The following WRN variants were observed in gnomAD, a reference collection of about 807,000 sequenced individuals.
WRN encodes bifunctional 3'-5' exonuclease/ATP-dependent helicase WRN.
WRN carries 149 observed loss-of-function variants against 180.7 expected under a neutral mutation model. That is an observed-to-expected ratio of 0.82 (90% CI 0.72 to 0.94). WRN has a LOEUF of 0.94. WRN is among the 40% of genes least tolerant of loss of function. The pLI is 0.00. For missense variants in WRN, 1,661 were observed against 1,700.1 expected (o/e 0.98, Z 0.40); for synonymous variants, 548 against 568.9 (o/e 0.96, Z 0.52).
chr8:31,078,314 A>G (rs997467704), intron 8 of WRN, among the ~76,000 whole-genome samples: 4 of 152,188 alleles, frequency 2.6e-5, no homozygotes, highest in Non-Finnish European at 5.9e-5. Flanking sequence ...GTAATACCTA[A>G]TGTATCTAGA....
chr8:31,055,671 GT>G (rs1351772687), intron 1 of WRN, among the ~76,000 whole-genome samples: 1 of 150,852 alleles, frequency 6.6e-6, no homozygotes, highest in Non-Finnish European at 1.5e-5. Context: ...ATAGACCTTT[GT>G]CAGCTGGATA....
In WRN at chr8:31,064,256, A is replaced by G. The variant is rs374160869; in HGVS notation, c.210-33A>G. Reference sequence around the variant, plus strand: ...TTATGCAGAAGTTTAAAATTTTAACATAAATTAATTTACACTATTTTTCTC... The same window carrying G: ...TTATGCAGAAGTTTAAAATTTTAACGTAAATTAATTTACACTATTTTTCTC... On this transcript the variant is annotated intron_variant, in intron 3 of 34. Transcript: ENST00000298139. 5.6e-4 allele frequency: 902 copies of G among 1,612,700 alleles called. 2 individuals are homozygous for G. Among genetic ancestry groups the G allele is most frequent in the Non-Finnish European group, 7.4e-4 (872 of 1,179,200 alleles).
At chr8:31,166,146 A>G (rs1803849906) in intron 33 of WRN, among the ~76,000 whole-genome samples, 1 of 152,158 alleles carries the variant, frequency 6.6e-6, no homozygotes, top group South Asian at 2.1e-4. Context: ...AAAACTAACA[A>G]TTTAAAGAAC....
chr8:31,168,532 G>T (rs548185297), intron 34 of WRN, among the ~76,000 whole-genome samples: 2 of 142,014 alleles, frequency 1.4e-5, no homozygotes, highest in South Asian at 2.3e-4. Flanking sequence ...GGGGTTGGGT[G>T]GGGAGAAATT....
chr8:31,066,969 T>TA, intron 5 of WRN, 64 bp from the exon 6 acceptor site: 1 of 1,582,600 alleles, frequency 6.3e-7, no homozygotes, highest in South Asian at 1.1e-5. Context: ...GTTCATTTGA[T>TA]ATCATTTGGT....
At chr8:31,079,078 G>A (rs911303332) in intron 8 of WRN, among the ~76,000 whole-genome samples, 8 of 152,114 alleles carry the variant, frequency 5.3e-5, no homozygotes, top group African/African-American at 1.9e-4. Flanking sequence ...AAAGCTAAAA[G>A]TTCTTTATAA....
intron 1 of WRN, among the ~76,000 whole-genome samples, chr8:31,037,030 C>T (rs1250817262): frequency 3.3e-5 from 5 of 152,132 alleles, no homozygotes; most frequent in African/African-American, 4.8e-5. Context: ...ATATTTCAAG[C>T]GCATTACATT....
intron 24 of WRN, among the ~76,000 whole-genome samples, chr8:31,133,495 A>G (rs1802265310): frequency 6.6e-6 from 1 of 152,104 alleles, no homozygotes; most frequent in East Asian, 1.9e-4. Context: ...ACTGCACTCC[A>G]GCCTGCGCGA....
intron 1 of WRN, among the ~76,000 whole-genome samples, chr8:31,044,045 T>C (rs2129930215): frequency 6.6e-6 from 1 of 152,308 alleles, no homozygotes; most frequent in East Asian, 1.9e-4. Context: ...ATTTTCTTTT[T>C]TCTTGTTTTT....
rs370647332 is a variant in WRN, at chr8:31,142,735, A to G, written c.3309+34A>G. ...TAAAGAAATTGTTCTGATTTATTTC[A>G]TTCTTTATTGATTCAAATTCTGTTT... On this transcript the variant is annotated intron_variant, in intron 27 of 34. Coordinates refer to ENST00000298139, the MANE Select transcript of WRN (RefSeq NM_000553.6). 374 of 1,502,204 alleles carry G rather than the reference A, an allele frequency of 2.5e-4. 1 individual carries two copies. Among genetic ancestry groups the G allele is most frequent in the Non-Finnish European group, 3.4e-4 (366 of 1,092,346 alleles). The allele number at this position is 1,502,204 out of a possible 1,614,324, so 93.1% of individuals were successfully genotyped here.
chr8:31,130,971 AC>A (rs1802140762), intron 23 of WRN, among the ~76,000 whole-genome samples: 1 of 152,018 alleles, frequency 6.6e-6, no homozygotes, highest in Non-Finnish European at 1.5e-5. Flanking sequence ...TCTTTTGCCC[AC>A]CCCATCTCCA....
intron 34 of WRN, among the ~76,000 whole-genome samples, chr8:31,170,588 G>A (rs1009247063): frequency 1.3e-5 from 2 of 152,048 alleles, no homozygotes; most frequent in Non-Finnish European, 1.5e-5. Flanking sequence ...GCTTACATCC[G>A]TATGTACACA....
intron 1 of WRN, among the ~76,000 whole-genome samples, chr8:31,057,744 G>T (rs13278925): frequency 0.095 from 13,790 of 144,528 alleles, 680 homozygotes; most frequent in African/African-American, 0.13. Flanking sequence ...AATATGTTCT[G>T]TTTTTTTTTT....
At chr8:31,143,472 ATTTTTGT>A in intron 27 of WRN, 71 bp from the exon 28 acceptor site, 2 of 1,007,038 alleles carry the variant, frequency 2.0e-6, no homozygotes, top group Non-Finnish European at 3.0e-6. Flanking sequence ...TGATTTTGAG[ATTTTTGT>A]TTCTTATTTT....
At chr8:31,073,594 C>T (rs956871563) in intron 7 of WRN, among the ~76,000 whole-genome samples, 4 of 152,098 alleles carry the variant, frequency 2.6e-5, no homozygotes, top group African/African-American at 4.8e-5. Context: ...AGATGTAATT[C>T]AGATCCGATG....
At position 31,065,029 on chromosome 8, in the gene WRN, A is replaced by AT. The variant is rs924770060; in HGVS notation, c.474dup (p.Val159CysfsTer9). ...CGTGACTTTGATATCAAATTGAAGA[A>AT]TTTTGTGGAGTTGACAGATGTTGCC... On this transcript the variant is annotated frameshift_variant, in exon 5 of 35. Transcript: ENST00000298139. LOFTEE classifies it high-confidence loss of function. The AT allele has an allele frequency of 6.2e-7, 1 of 1,613,510 alleles. No homozygotes were observed. Among genetic ancestry groups the AT allele is most frequent in the Non-Finnish European group, 8.5e-7 (1 of 1,179,758 alleles).
chr8:31,091,075 T>C (rs1309868147), intron 15 of WRN, 133 bp downstream of exon 15: 1 of 754,766 alleles, frequency 1.3e-6, no homozygotes, highest in East Asian at 2.6e-5. Context: ...TCTTTATTGG[T>C]AATAAATGAC....
At chr8:31,129,274 G>A (rs780937507) in intron 23 of WRN, among the ~76,000 whole-genome samples, 11 of 152,166 alleles carry the variant, frequency 7.2e-5, no homozygotes, top group African/African-American at 2.7e-4. Context: ...GAGCCATCAC[G>A]CTTGACTAAT....
intron 5 of WRN, 95 bp from the exon 6 acceptor site, chr8:31,066,938 T>C: frequency 6.7e-7 from 1 of 1,497,324 alleles, no homozygotes; most frequent in South Asian, 1.1e-5. Context: ...GTATAACATT[T>C]CCTAATTTTA....
Sources: gnomAD v4.1 joint callset for allele counts (sites outside exome capture counted in the v4.1 genomes callset) on GRCh38, gnomAD v4.1.1 for gene constraint, MANE v1.5 for transcripts, NCBI Gene and HGNC (gene_info 2026-07-23, HGNC 2026-07-21) for gene names.